Variants in CFAP77 observed in about 807,000 individuals in gnomAD.
CFAP77 encodes cilia- and flagella-associated protein 77.
A neutral mutation model predicts 31.1 loss-of-function variants in CFAP77; 25 were observed. That is an observed-to-expected ratio of 0.80 (90% CI 0.59 to 1.12). The LOEUF (loss-of-function observed/expected upper bound fraction) is 1.12. Among genes scored for constraint, CFAP77 ranks in the 50% most tolerant of loss-of-function variants. CFAP77 has a pLI of 0.00. For synonymous variants in CFAP77, 151 were observed against 159.9 expected, an observed-to-expected ratio of 0.94 and a Z score of 0.42; for missense variants, 377 against 397.3, an observed-to-expected ratio of 0.95 and a Z score of 0.44.
chr9:132,569,264 T>A (rs1267003148), intron 5 of CFAP77, among the ~76,000 whole-genome samples: 1 of 151,994 alleles, frequency 6.6e-6, no homozygotes, highest in Admixed American at 6.6e-5. Flanking sequence ...AGAAATTAGC[T>A]GGGCATGGTG....
chr9:132,485,727 G>A (rs1216909470), intron 1 of CFAP77, among the ~76,000 whole-genome samples: 4 of 151,836 alleles, frequency 2.6e-5, no homozygotes, highest in East Asian at 3.9e-4. Context: ...ACTCCATCGC[G>A]GCGGTGAGCT....
intron 5 of CFAP77, among the ~76,000 whole-genome samples, chr9:132,555,292 A>G (rs1852884153): frequency 6.6e-6 from 1 of 152,186 alleles, no homozygotes; most frequent in African/African-American, 2.4e-5. Context: ...CAATAAGATA[A>G]AAGGGGAATA....
intron 5 of CFAP77, among the ~76,000 whole-genome samples, chr9:132,548,936 G>C (rs1347974932): frequency 5.3e-5 from 8 of 152,204 alleles, no homozygotes; most frequent in Non-Finnish European, 8.8e-5. Context: ...AGACTCCTCT[G>C]TTCGTGGAAG....
chr9:132,423,653 A>C (rs1389126165), intron 1 of CFAP77, among the ~76,000 whole-genome samples: 1 of 152,192 alleles, frequency 6.6e-6, no homozygotes, highest in East Asian at 1.9e-4. Flanking sequence ...GATCCAAAAA[A>C]CTTAGTGACA....
chr9:132,465,339 A>G (rs1364942664), intron 1 of CFAP77, among the ~76,000 whole-genome samples: 1 of 152,184 alleles, frequency 6.6e-6, no homozygotes, highest in Non-Finnish European at 1.5e-5. Context: ...TCTTGTTTGC[A>G]TTGCAGCAGC....
In CFAP77 at chr9:132,498,495, C is replaced by T. The variant is rs1016089056; in HGVS notation, c.196-200C>T. Among the ~76,000 whole-genome samples the T allele has an allele frequency of 2.0e-5, 3 of 152,172 alleles. No individual in the cohort carries two copies. The highest frequency in any genetic ancestry group is 2.9e-5 in the Non-Finnish European group (2 of 68,038). On this transcript the variant is annotated intron_variant, in intron 1 of 5. Transcript: ENST00000393216. The surrounding 1 kb of genome is among the most constrained non-coding windows in gnomAD (Gnocchi z 4.2). ...CCTTCAGCACAGACACACAGACCCG[C>T]TTCTGCTGTGTGACCCTGTGCCAGC...
chr9:132,465,073 CAAAAA>C (rs773917029), intron 1 of CFAP77, among the ~76,000 whole-genome samples: 1 of 82,856 alleles, frequency 1.2e-5, no homozygotes, highest in Non-Finnish European at 2.6e-5. Context: ...GACTCTGTCT[CAAAAA>C]AAAAAAAAAA....
At chr9:132,543,080 C>A in intron 5 of CFAP77, 33 bp downstream of exon 5, 1 of 1,574,942 alleles carries the variant, frequency 6.3e-7, no homozygotes, top group Non-Finnish European at 8.7e-7. Context: ...CCCCTCCCTG[C>A]ACCTTGCTGG....
chr9:132,416,645 T>A (rs1277022321), intron 1 of CFAP77, among the ~76,000 whole-genome samples: 1 of 150,092 alleles, frequency 6.7e-6, no homozygotes, highest in Non-Finnish European at 1.5e-5. Context: ...ACTGGGCTTT[T>A]TTTTTTTTTT....
At chr9:132,570,454 GGACTAC>G (rs1234398218) in intron 5 of CFAP77, among the ~76,000 whole-genome samples, 1 of 152,224 alleles carries the variant, frequency 6.6e-6, no homozygotes, top group Non-Finnish European at 1.5e-5. Flanking sequence ...GCTGGGGCTG[GGACTAC>G]GACTGGTGCT....
intron 1 of CFAP77, among the ~76,000 whole-genome samples, chr9:132,454,529 A>G (rs1000010499): frequency 6.6e-6 from 1 of 152,214 alleles, no homozygotes; most frequent in Admixed American, 6.5e-5. Flanking sequence ...TGAAATCGGC[A>G]TCTCTGATAT....
At chr9:132,473,234 CCAA>C (rs1851289667) in intron 1 of CFAP77, among the ~76,000 whole-genome samples, 1 of 152,162 alleles carries the variant, frequency 6.6e-6, no homozygotes, top group Non-Finnish European at 1.5e-5. Flanking sequence ...CCAAACACCT[CCAA>C]CGTCATTCAG....
At chr9:132,533,973 G>A (rs367696848) in intron 3 of CFAP77, among the ~76,000 whole-genome samples, 8 of 152,246 alleles carry the variant, frequency 5.3e-5, no homozygotes, top group African/African-American at 1.4e-4. Flanking sequence ...TTTTTTCCCC[G>A]AACATGTTTG....
At chr9:132,417,975 C>G (rs1336129919) in intron 1 of CFAP77, among the ~76,000 whole-genome samples, 1 of 152,194 alleles carries the variant, frequency 6.6e-6, no homozygotes, top group East Asian at 1.9e-4. Context: ...TGAAACCATC[C>G]AATTTCTAGC....
intron 3 of CFAP77, among the ~76,000 whole-genome samples, chr9:132,508,233 G>A (rs1472500580): frequency 6.6e-6 from 1 of 152,240 alleles, no homozygotes; most frequent in African/African-American, 2.4e-5. Flanking sequence ...CTGATGTCAT[G>A]AGTCTGCAGT....
rs1339495754 is a variant in CFAP77 at position 132,497,162 on chromosome 9, T to C, written c.196-1533T>C. Among the ~76,000 whole-genome samples the C allele has an allele frequency of 7.1e-6, 1 of 141,320 alleles. No individual in the cohort carries two copies. The highest frequency in any genetic ancestry group is 1.5e-5 in the Non-Finnish European group (1 of 65,902). The allele number at this position is 141,320 out of a possible 152,430, so 92.7% of individuals were successfully genotyped here. On this transcript the variant is annotated intron_variant, in intron 1 of 5. Transcript: ENST00000393216. The surrounding 1 kb of genome is among the most constrained non-coding windows in gnomAD (Gnocchi z 4.9). ...CAACAGGGGGTGCTGTGGGGGAGCC[T>C]GGGAGGCAAAGCTGCAGGGCTGGGT...
intron 3 of CFAP77, among the ~76,000 whole-genome samples, chr9:132,519,853 T>A: frequency 6.9e-6 from 1 of 145,844 alleles, no homozygotes; most frequent in Non-Finnish European, 1.5e-5. Flanking sequence ...GATGGGTGGG[T>A]GGGTGGATGA....
intron 1 of CFAP77, among the ~76,000 whole-genome samples, chr9:132,479,861 G>A (rs893312578): frequency 6.6e-6 from 1 of 152,188 alleles, no homozygotes; most frequent in African/African-American, 2.4e-5. Context: ...ATTGGGTGGT[G>A]TCCAGAGACA....
intron 1 of CFAP77, among the ~76,000 whole-genome samples, chr9:132,416,840 G>C (rs184217126): frequency 6.6e-6 from 1 of 151,594 alleles, no homozygotes; most frequent in Admixed American, 6.6e-5. Flanking sequence ...GTTTCACCAC[G>C]TTGGCCAGGC....
Sources: allele counts gnomAD v4.1 joint callset (sites outside exome capture counted in the v4.1 genomes callset), GRCh38; gene constraint gnomAD v4.1.1; non-coding constraint Gnocchi (gnomAD v3.1); transcripts MANE v1.5; gene names NCBI Gene and HGNC (gene_info 2026-07-23, HGNC 2026-07-21).